The following SLCO1B1 variants were observed in gnomAD, a reference collection of about 807,000 sequenced individuals.
SLCO1B1 encodes the protein OATP-2.
In SLCO1B1, 81 loss-of-function variants were observed where a neutral mutation model predicts 70.1. The ratio of observed to expected loss-of-function variants is 1.16; its 90% CI spans 0.97 to 1.39. The LOEUF (loss-of-function observed/expected upper bound fraction) is 1.39. Among genes scored for constraint, SLCO1B1 ranks in the 40% most tolerant of loss-of-function variants. The pLI, the probability that SLCO1B1 is intolerant of heterozygous loss-of-function variation, is 0.00. For synonymous variants in SLCO1B1, 283 were observed against 271.5 expected (o/e 1.04, Z -0.42); for missense variants, 895 against 799.6 (o/e 1.12, Z -1.44).
intron 2 of SLCO1B1, among the ~76,000 whole-genome samples, chr12:21,144,098 A>G (rs1259823136): frequency 6.6e-6 from 1 of 152,164 alleles, no homozygotes; most frequent in Admixed American, 6.6e-5. Context: ...TTTCATCATT[A>G]CACTTGTCAT....
At chr12:21,227,479 T>A (rs1473139942) in intron 14 of SLCO1B1, among the ~76,000 whole-genome samples, 1 of 152,116 alleles carries the variant, frequency 6.6e-6, no homozygotes, top group African/African-American at 2.4e-5. Flanking sequence ...ATTCACTATC[T>A]AAAATCCCCA....
chr12:21,175,770 G>A (rs112098420), intron 4 of SLCO1B1, among the ~76,000 whole-genome samples: 228 of 151,538 alleles, frequency 1.5e-3, no homozygotes, highest in African/African-American at 5.1e-3. Flanking sequence ...GCACCATACC[G>A]TCAGAGTCCT....
At position 21,174,729 on chromosome 12, in the gene SLCO1B1, A is replaced by AC. The variant is rs767074562; in HGVS notation, c.359+20_359+21insC. The AC allele has an allele frequency of 2.6e-5, 42 of 1,607,936 alleles. No individual in the cohort carries two copies. The East Asian group carries it at 6.3e-4, about 24-fold the overall frequency. ...GGGATAGTAAGTGTTAAAAAAAAAA[A>AC]AAACCTCTGTGCCACTATCAGTACC... On this transcript the variant is annotated intron_variant, in intron 4 of 14. Coordinates refer to ENST00000256958, the MANE Select transcript of SLCO1B1 (RefSeq NM_006446.5).
At chr12:21,142,705 T>C (rs1940328694) in intron 2 of SLCO1B1, among the ~76,000 whole-genome samples, 1 of 152,086 alleles carries the variant, frequency 6.6e-6, no homozygotes, top group African/African-American at 2.4e-5. Flanking sequence ...AAAGTATTGG[T>C]TAATGCAAGT....
intron 5 of SLCO1B1, among the ~76,000 whole-genome samples, chr12:21,177,568 T>C (rs1940838371): frequency 6.6e-6 from 1 of 152,126 alleles, no homozygotes; most frequent in Non-Finnish European, 1.5e-5. Context: ...TTTCACATTG[T>C]ATATATTGCT....
intron 13 of SLCO1B1, among the ~76,000 whole-genome samples, chr12:21,222,999 G>A (rs1422074975): frequency 1.3e-5 from 2 of 152,144 alleles, no homozygotes; most frequent in African/African-American, 4.8e-5. Context: ...GTTCCGTTTT[G>A]TGTGTCTCTA....
intron 14 of SLCO1B1, among the ~76,000 whole-genome samples, chr12:21,233,575 A>C (rs34138322): frequency 0.18 from 26,264 of 147,352 alleles, 2,502 homozygotes; most frequent in Non-Finnish European, 0.21. Context: ...AACAAACAAA[A>C]AAAAAAAAAC....
intron 11 of SLCO1B1, 28 bp downstream of exon 11, chr12:21,206,061 CT>C: frequency 6.3e-7 from 1 of 1,586,192 alleles, no homozygotes; most frequent in Non-Finnish European, 8.7e-7. Flanking sequence ...CTTTCCTCTC[CT>C]TATTCAAAAG....
chr12:21,142,889 T>C (rs1376108166), intron 2 of SLCO1B1, among the ~76,000 whole-genome samples: 1 of 152,080 alleles, frequency 6.6e-6, no homozygotes, highest in African/African-American at 2.4e-5. Flanking sequence ...AGCTGGGAGT[T>C]AGGGAATTAG....
chr12:21,228,948 T>C (rs530472020), intron 14 of SLCO1B1, among the ~76,000 whole-genome samples: 1 of 152,060 alleles, frequency 6.6e-6, no homozygotes, highest in East Asian at 1.9e-4. Context: ...ATGGCCCTTA[T>C]CACTTTCCTT....
At chr12:21,141,772 G>A (rs1382554440) in intron 2 of SLCO1B1, 114 bp downstream of exon 2, 5 of 622,760 alleles carry the variant, frequency 8.0e-6, no homozygotes, top group African/African-American at 1.9e-5. Flanking sequence ...TTCAATTGAA[G>A]CATATATTGA....
intron 2 of SLCO1B1, among the ~76,000 whole-genome samples, chr12:21,161,100 G>A (rs1940612889): frequency 6.6e-6 from 1 of 152,154 alleles, no homozygotes; most frequent in African/African-American, 2.4e-5. Context: ...AAGCAGTGTG[G>A]CAATTCCTCA....
intron 1 of SLCO1B1, among the ~76,000 whole-genome samples, chr12:21,137,947 A>T (rs1279186945): frequency 6.6e-6 from 1 of 152,192 alleles, no homozygotes; most frequent in Admixed American, 6.5e-5. Flanking sequence ...GGAGCTGTAG[A>T]CCAGAGCTGT....
At chr12:21,206,122 C>T in intron 11 of SLCO1B1, 89 bp downstream of exon 11, 1 of 1,085,172 alleles carries the variant, frequency 9.2e-7, no homozygotes, top group Non-Finnish European at 1.4e-6. Flanking sequence ...TAACTAAGGA[C>T]TCCATTAAAA....
At chr12:21,137,851 C>G (rs1052238756) in intron 1 of SLCO1B1, among the ~76,000 whole-genome samples, 1 of 152,200 alleles carries the variant, frequency 6.6e-6, no homozygotes, top group African/African-American at 2.4e-5. Context: ...TGTCCTGCAC[C>G]TACTGTCTGG....
intron 1 of SLCO1B1, among the ~76,000 whole-genome samples, chr12:21,134,262 A>G (rs1565661200): frequency 6.6e-6 from 1 of 152,128 alleles, no homozygotes; most frequent in Non-Finnish European, 1.5e-5. Flanking sequence ...TTTTTGCATC[A>G]ATGTTCATCA....
At chr12:21,132,576 C>G (rs1940154245) in intron 1 of SLCO1B1, among the ~76,000 whole-genome samples, 1 of 152,222 alleles carries the variant, frequency 6.6e-6, no homozygotes, top group African/African-American at 2.4e-5. Context: ...TTGCATTTCT[C>G]TGATGGCCAG....
chr12:21,198,371 T>G (rs1941118203), intron 8 of SLCO1B1, among the ~76,000 whole-genome samples: 1 of 152,132 alleles, frequency 6.6e-6, no homozygotes, highest in South Asian at 2.1e-4. Context: ...TTTTTAAAAT[T>G]TAACATTCAC....
At position 21,197,931 on chromosome 12, in the gene SLCO1B1, A is replaced by G. The variant is rs375383215; in HGVS notation, c.970+743A>G. 2.7e-4 allele frequency among the ~76,000 whole-genome samples: 41 copies of G among 152,254 alleles called. 1 individual carries two copies. The East Asian group carries it at 5.0e-3, about 19-fold the overall frequency. Reference sequence around the variant, plus strand: ...ATGGAGAACCATTGAGAGTCAATAAACAAAGAGAATGACTTGGCAGTAGCC... The same window carrying G: ...ATGGAGAACCATTGAGAGTCAATAAGCAAAGAGAATGACTTGGCAGTAGCC... On this transcript the variant is annotated intron_variant, in intron 8 of 14. Coordinates refer to ENST00000256958, the MANE Select transcript of SLCO1B1 (RefSeq NM_006446.5).
Sources: gnomAD v4.1 joint callset for allele counts (sites outside exome capture counted in the v4.1 genomes callset) on GRCh38, gnomAD v4.1.1 for gene constraint, MANE v1.5 for transcripts, NCBI Gene and HGNC (gene_info 2026-07-23, HGNC 2026-07-21) for gene names.